ATRX: variants seen among roughly 807,000 people sequenced by gnomAD.
The protein encoded by ATRX is ATRX chromatin remodeler.
ATRX carries 12 observed loss-of-function variants against 172.6 expected under a neutral mutation model. The ratio of observed to expected loss-of-function variants is 0.07; its 90% CI spans 0.04 to 0.11. The LOEUF (loss-of-function observed/expected upper bound fraction) is 0.11, where lower values mean the gene tolerates loss of function less well. Among genes scored for constraint, ATRX ranks in the 10% least tolerant of loss-of-function variants. The pLI, the probability that ATRX is intolerant of heterozygous loss-of-function variation, is 1.00. For missense variants in ATRX, 1,368 were observed against 1,767.4 expected, an observed-to-expected ratio of 0.77 and a Z score of 4.05; for synonymous variants, 674 against 594.7, an observed-to-expected ratio of 1.13 and a Z score of -1.94.
chrX:77,640,813 T>C lies in ATRX; in HGVS notation c.4558-4757A>G, dbSNP rs782360049. Among the ~76,000 whole-genome samples, 4 of 111,353 alleles carry C rather than the reference T, an allele frequency of 3.6e-5. No individual in the cohort carries two copies. In the South Asian group the frequency reaches 1.5e-3, roughly 42 times the overall value. ...GGCAGAACTACAAAGAAAAAAGAGCTACACAAAAAGAACTCAAAATCAAGA... is the reference window on the plus strand; with the variant it reads ...GGCAGAACTACAAAGAAAAAAGAGCCACACAAAAAGAACTCAAAATCAAGA... On this transcript the variant is annotated intron_variant, in intron 15 of 34. Coordinates refer to ENST00000373344, the MANE Select transcript of ATRX (RefSeq NM_000489.6).
chrX:77,607,633 A>G (rs782416020), intron 22 of ATRX, among the ~76,000 whole-genome samples: 158 of 104,729 alleles, frequency 1.5e-3, no homozygotes, highest in African/African-American at 5.4e-3. Context: ...AGAATCACTG[A>G]AACCAGGAGG....
In ATRX at chrX:77,682,485, A is replaced by G; in HGVS notation, c.2771T>C (p.Leu924Pro). 2.5e-6 allele frequency: 3 copies of G among 1,211,445 alleles called. No homozygotes were observed. Among genetic ancestry groups the G allele is most frequent in the Non-Finnish European group, 3.4e-6 (3 of 895,363 alleles). ...ASASTDGVDK[L>P]SGKEESFTSL... ...AGTAAAACTCTCCTCTTTCCCAGAA[A>G]GCTTATCGACACCATCAGTGGAAGC... The change falls in exon 9 of 35, where the codon CTT (leucine) becomes CCT (proline). Residue 924 changes from leucine (L) to proline (P), a missense_variant. This residue lies in a region of ATRX where 843 missense variants were observed against 643.1 expected (regional missense o/e 1.31). Coordinates refer to ENST00000373344, the MANE Select transcript of ATRX (RefSeq NM_000489.6).
chrX:77,505,553 A>G lies in ATRX; in HGVS notation c.*2798T>C, dbSNP rs2062691763. 5.8e-6 allele frequency: 1 copy of G among 172,917 alleles called. No homozygotes were observed. Among genetic ancestry groups the G allele is most frequent in the Non-Finnish European group, 1.1e-5 (1 of 90,648 alleles). The allele number at this position is 172,917 out of a possible 1,213,427, so 14.3% of individuals were successfully genotyped here. On this transcript the variant is annotated 3_prime_UTR_variant, in exon 35 of 35. Transcript: ENST00000373344. ...GAGATCTCCCTTTACAGAATTTAGT[A>G]TATAACAGATTCAATAACCAAACTT...
At chrX:77,760,184 G>C (rs2148905078) in intron 1 of ATRX, among the ~76,000 whole-genome samples, 1 of 107,884 alleles carries the variant, frequency 9.3e-6, no homozygotes, top group East Asian at 3.0e-4. Flanking sequence ...GCCACAGATA[G>C]TTAGTGGCTA....
intron 2 of ATRX, chrX:77,698,911 C>T (rs182986885): frequency 1.9e-5 from 7 of 359,616 alleles, no homozygotes; most frequent in African/African-American, 1.8e-4. Context: ...CATTTCCCAG[C>T]AGAAGAAAAT....
chrX:77,646,925 TAAAA>T (rs1229860572), intron 15 of ATRX, among the ~76,000 whole-genome samples: 1 of 95,022 alleles, frequency 1.1e-5, no homozygotes, highest in Non-Finnish European at 2.1e-5. Context: ...ACTGTGTCTT[TAAAA>T]AAAAAAAAAA....
At chrX:77,670,663 G>C (rs1196581519) in intron 10 of ATRX, among the ~76,000 whole-genome samples, 1 of 109,022 alleles carries the variant, frequency 9.2e-6, no homozygotes, top group East Asian at 2.9e-4. Context: ...GCTGAGGCAA[G>C]TGAATCACCT....
intron 17 of ATRX, 80 bp from the exon 18 acceptor site, chrX:77,633,792 G>A: frequency 2.0e-6 from 2 of 1,021,540 alleles, no homozygotes; most frequent in Non-Finnish European, 2.7e-6. Flanking sequence ...CAATATTATA[G>A]CTTTGTTTTG....
chrX:77,731,836 C>G, intron 1 of ATRX, among the ~76,000 whole-genome samples: 1 of 110,937 alleles, frequency 9.0e-6, no homozygotes. Context: ...TGAGCCATTC[C>G]CACTGCTCAA....
rs1166210952 is a variant in ATRX at position 77,748,592 on chromosome X, AT to A, written c.21-31350del. Among the ~76,000 whole-genome samples, 42 of 106,709 alleles carry A rather than the reference AT, an allele frequency of 3.9e-4. 1 individual carries two copies. The highest frequency in any genetic ancestry group is 2.0e-3 in the South Asian group (5 of 2,562). The allele number at this position is 106,709 out of a possible 115,157, so 92.7% of individuals were successfully genotyped here. A position where few individuals can be genotyped will look rare whatever the true frequency, so the allele number is the denominator to read the frequency against. ...AAAAAGGTTTTTTATTTTTATTTTT[AT>A]TTTTTTTTTTGGAGATGGAGTCTCG... On this transcript the variant is annotated intron_variant, in intron 1 of 34. Transcript: ENST00000373344.
chrX:77,778,990 C>T (rs1161807154), intron 1 of ATRX, among the ~76,000 whole-genome samples: 3 of 107,050 alleles, frequency 2.8e-5, no homozygotes, highest in Non-Finnish European at 5.8e-5. Context: ...TGCAGTGGCG[C>T]GATCTCGGCC....
At position 77,684,100 on chromosome X, in the gene ATRX, C is replaced by G. The variant is rs2148629253; in HGVS notation, c.1156G>C (p.Ala386Pro). The G allele has an allele frequency of 8.3e-7, 1 of 1,208,209 alleles. No homozygotes were observed. The highest frequency in any genetic ancestry group is 1.1e-6 in the Non-Finnish European group (1 of 892,842). ...QATDNSEISS[A>P]TKLRQLKAFK... ...GCCTTAAGCTGACGTAATTTTGTAG[C>G]AGAACTGATTTCTGAATTATCTGTT... The change falls in exon 9 of 35, where the codon GCT (alanine) becomes CCT (proline). Residue 386 changes from alanine (A) to proline (P), a missense_variant. By Grantham distance (27) the Ala-to-Pro change is conservative (BLOSUM62 -1). This residue lies in a region of ATRX where 843 missense variants were observed against 643.1 expected (regional missense o/e 1.31). Coordinates refer to ENST00000373344, the MANE Select transcript of ATRX (RefSeq NM_000489.6).
At chrX:77,608,245 T>G (rs1213671341) in intron 22 of ATRX, among the ~76,000 whole-genome samples, 2 of 108,548 alleles carry the variant, frequency 1.8e-5, no homozygotes, top group African/African-American at 6.7e-5. Flanking sequence ...GGTGGGTGCC[T>G]GTAGTCCCAG....
intron 19 of ATRX, among the ~76,000 whole-genome samples, chrX:77,621,985 T>C (rs1433753669): frequency 8.9e-6 from 1 of 112,446 alleles, no homozygotes; most frequent in Non-Finnish European, 1.9e-5. Flanking sequence ...TTTACAGCAG[T>C]GATTTAAATG....
chrX:77,671,105 G>A (rs1481716588), intron 10 of ATRX, among the ~76,000 whole-genome samples: 4 of 81,333 alleles, frequency 4.9e-5, no homozygotes, highest in African/African-American at 1.9e-4. Context: ...CCGAGATCAT[G>A]CCTCTGCACT....
At chrX:77,742,495 G>A (rs1557182743) in intron 1 of ATRX, among the ~76,000 whole-genome samples, 1 of 111,712 alleles carries the variant, frequency 9.0e-6, no homozygotes, top group Non-Finnish European at 1.9e-5. Context: ...TGGGGAATGG[G>A]GCAGAAGAAA....
At chrX:77,532,286 C>T (rs1156415511) in intron 30 of ATRX, among the ~76,000 whole-genome samples, 3 of 110,831 alleles carry the variant, frequency 2.7e-5, no homozygotes, top group Non-Finnish European at 5.7e-5. Context: ...AAAAAAAAAA[C>T]TATTTGAAAA....
At chrX:77,713,571 T>C (rs1557162765) in intron 2 of ATRX, among the ~76,000 whole-genome samples, 2 of 111,792 alleles carry the variant, frequency 1.8e-5, no homozygotes, top group East Asian at 2.8e-4. Context: ...AGGCTCCTAC[T>C]AGCCAAAACT....
At chrX:77,620,572 A>G (rs1557099422) in intron 19 of ATRX, 40 bp from the exon 20 acceptor site, 1 of 1,092,833 alleles carries the variant, frequency 9.2e-7, no homozygotes, top group Admixed American at 2.4e-5. Flanking sequence ...TTAATATATA[A>G]TAAAACTGAA....
Sources: allele counts gnomAD v4.1 joint callset (sites outside exome capture counted in the v4.1 genomes callset), GRCh38; gene constraint gnomAD v4.1.1; regional missense constraint gnomAD v4.1.1; transcripts MANE v1.5; gene names NCBI Gene and HGNC (gene_info 2026-07-23, HGNC 2026-07-21).